Variants in NCALD observed in about 807,000 individuals in gnomAD.
NCALD encodes neurocalcin delta.
In NCALD, 10 loss-of-function variants were observed where a neutral mutation model predicts 18.6. That is an observed-to-expected ratio of 0.54 (90% confidence interval 0.33 to 0.91). The LOEUF (loss-of-function observed/expected upper bound fraction) is 0.91, where lower values mean the gene tolerates loss of function less well. NCALD is among the 40% of genes least tolerant of loss of function. The pLI is 0.03. For missense variants in NCALD, 184 were observed against 247.6 expected (o/e 0.74, Z 1.72); for synonymous variants, 88 against 87.4 (o/e 1.01, Z -0.04).
intron 1 of NCALD, among the ~76,000 whole-genome samples, chr8:101,735,707 T>A (rs1445695002): frequency 6.6e-6 from 1 of 152,216 alleles, no homozygotes; most frequent in Non-Finnish European, 1.5e-5. Context: ...GAGTATATTA[T>A]CCCCTCCTTC....
At chr8:101,872,466 T>C (rs934109724) in intron 4 of NCALD, 2 of 908,034 alleles carry the variant, frequency 2.2e-6, no homozygotes, top group African/African-American at 3.3e-5. Context: ...TCTCTTCTGA[T>C]TCTTTTATAC....
intron 4 of NCALD, among the ~76,000 whole-genome samples, chr8:101,812,758 A>G (rs1252740150): frequency 1.3e-5 from 2 of 152,184 alleles, no homozygotes; most frequent in South Asian, 2.1e-4. Context: ...TCCCAGTTAC[A>G]GTCTCTGAAC....
intron 4 of NCALD, among the ~76,000 whole-genome samples, chr8:101,878,765 A>T (rs551577830): frequency 3.2e-4 from 48 of 152,328 alleles, no homozygotes; most frequent in African/African-American, 1.0e-3. Context: ...GTAAAGTATG[A>T]TGATCCCACA....
At chr8:101,863,313 G>C (rs559815012) in intron 4 of NCALD, among the ~76,000 whole-genome samples, 90 of 152,276 alleles carry the variant, frequency 5.9e-4, no homozygotes, top group Admixed American at 2.5e-3. Context: ...ACTCAATCCG[G>C]ATCTTGGTTC....
chr8:102,075,670 G>A (rs371973823), intron 1 of NCALD, among the ~76,000 whole-genome samples: 88 of 152,176 alleles, frequency 5.8e-4, no homozygotes, highest in African/African-American at 1.5e-3. Context: ...ATGTTTCCAC[G>A]TTGGCTAGGT....
chr8:101,717,369 AGTCTTCACCCTGACCAGTTACTG>A (rs1462934142), intron 2 of NCALD, among the ~76,000 whole-genome samples: 1 of 152,188 alleles, frequency 6.6e-6, no homozygotes, highest in Non-Finnish European at 1.5e-5. Flanking sequence ...TTTTCACCCC[AGTCTTCACCCTGACCAGTTACTG>A]GTGTTTGTAG....
intron 1 of NCALD, among the ~76,000 whole-genome samples, chr8:102,058,456 AT>A (rs1424667890): frequency 6.6e-6 from 1 of 152,200 alleles, no homozygotes; most frequent in Non-Finnish European, 1.5e-5. Flanking sequence ...GGCACCATTC[AT>A]TTTTCCCCCA....
intron 1 of NCALD, among the ~76,000 whole-genome samples, chr8:102,033,177 A>G (rs1488506066): frequency 2.6e-5 from 4 of 152,160 alleles, no homozygotes; most frequent in African/African-American, 9.6e-5. Flanking sequence ...TCACAACAAA[A>G]TAAGTGCAGC....
At chr8:102,106,959 G>A (rs1825476244) in intron 1 of NCALD, among the ~76,000 whole-genome samples, 1 of 151,846 alleles carries the variant, frequency 6.6e-6, no homozygotes, top group Admixed American at 6.6e-5. Flanking sequence ...AAATTCACCT[G>A]AGGCTGGAGG....
chr8:101,738,983 C>T (rs144822190), intron 1 of NCALD, among the ~76,000 whole-genome samples: 66 of 152,250 alleles, frequency 4.3e-4, no homozygotes, highest in African/African-American at 1.5e-3. Flanking sequence ...CTCAAACTTG[C>T]CTGGCATTAT....
intron 1 of NCALD, among the ~76,000 whole-genome samples, chr8:102,074,206 G>GA (rs921899373): frequency 3.9e-5 from 6 of 152,100 alleles, no homozygotes; most frequent in East Asian, 1.9e-4. Context: ...TAGTCTATGG[G>GA]AAAAAATCAC....
chr8:102,096,282 C>T (rs1825095909), intron 1 of NCALD, among the ~76,000 whole-genome samples: 1 of 152,200 alleles, frequency 6.6e-6, no homozygotes, highest in South Asian at 2.1e-4. Flanking sequence ...AGGTGGCCTT[C>T]CTCTCCCTGT....
At chr8:101,748,354 T>C (rs1186614238) in intron 1 of NCALD, among the ~76,000 whole-genome samples, 4 of 152,202 alleles carry the variant, frequency 2.6e-5, no homozygotes, top group Non-Finnish European at 5.9e-5. Context: ...ATAAAGAATA[T>C]TAATTCACAG....
intron 4 of NCALD, among the ~76,000 whole-genome samples, chr8:101,808,321 G>A (rs1458599445): frequency 3.3e-5 from 5 of 152,088 alleles, no homozygotes; most frequent in Non-Finnish European, 5.9e-5. Context: ...ACTGTTAGAA[G>A]GTTCCTTATG....
intron 2 of NCALD, among the ~76,000 whole-genome samples, chr8:101,711,134 G>A (rs578222507): frequency 8.5e-5 from 13 of 152,276 alleles, no homozygotes; most frequent in African/African-American, 2.4e-4. Context: ...AGGATCTAGA[G>A]AGAACCCCCA....
chr8:101,740,439 A>G (rs1372563777), intron 1 of NCALD, among the ~76,000 whole-genome samples: 1 of 152,234 alleles, frequency 6.6e-6, no homozygotes, highest in African/African-American at 2.4e-5. Context: ...AAGGTTTTAT[A>G]TGTATAGCCA....
chr8:101,903,197 ATTTT>A (rs5893589), intron 3 of NCALD, among the ~76,000 whole-genome samples: 3 of 141,026 alleles, frequency 2.1e-5, no homozygotes, highest in Admixed American at 7.1e-5. Flanking sequence ...ACTTTTAGGA[ATTTT>A]TTTTTTTTTT....
At chr8:102,065,010 C>CAAAAAAAAAAAAA (rs34548051) in intron 1 of NCALD, among the ~76,000 whole-genome samples, 1 of 87,578 alleles carries the variant, frequency 1.1e-5, no homozygotes, top group African/African-American at 4.8e-5. Flanking sequence ...CTCACTTTGG[C>CAAAAAAAAAAAAA]AAAAAAAAAA....
intron 2 of NCALD, among the ~76,000 whole-genome samples, chr8:101,965,460 T>C (rs1273610887): frequency 6.6e-6 from 1 of 152,210 alleles, no homozygotes; most frequent in Admixed American, 6.5e-5. Flanking sequence ...TCATGTACTT[T>C]GCAGGGACAT....
Sources: gnomAD v4.1 joint callset for allele counts (sites outside exome capture counted in the v4.1 genomes callset) on GRCh38, gnomAD v4.1.1 for gene constraint, MANE v1.5 for transcripts, NCBI Gene and HGNC (gene_info 2026-07-23, HGNC 2026-07-21) for gene names.